SLX4IP: variants seen among roughly 807,000 people sequenced by gnomAD.
The protein encoded by SLX4IP is protein SLX4IP.
A neutral mutation model predicts 32.9 loss-of-function variants in SLX4IP; 34 were observed. The observed-to-expected ratio is 1.03, with a 90% CI of 0.79 to 1.38. The LOEUF is 1.38. SLX4IP is among the 40% of genes most tolerant of loss of function. The pLI is 0.00. For missense variants in SLX4IP, 444 were observed against 479.0 expected, an observed-to-expected ratio of 0.93 and a Z score of 0.68; for synonymous variants, 172 against 171.7, an observed-to-expected ratio of 1.00 and a Z score of -0.01.
At chr20:10,548,313 A>G (rs560048915) in intron 2 of SLX4IP, among the ~76,000 whole-genome samples, 2 of 151,632 alleles carry the variant, frequency 1.3e-5, no homozygotes, top group East Asian at 3.9e-4. Flanking sequence ...ATCTCGGCTC[A>G]CTGCAAGCTC....
At chr20:10,441,133 TTAAA>T (rs1555804328) in intron 1 of SLX4IP, among the ~76,000 whole-genome samples, 1 of 152,086 alleles carries the variant, frequency 6.6e-6, no homozygotes, top group Non-Finnish European at 1.5e-5. Flanking sequence ...TGACTAGGTA[TTAAA>T]TAAAAACTAG....
rs984462202 is a variant in SLX4IP, at chr20:10,556,134, C to T, written c.28-97C>T. 1.5e-5 allele frequency: 17 copies of T among 1,106,242 alleles called. No individual in the cohort carries two copies. The Middle Eastern group carries it at 8.1e-4, about 53-fold the overall frequency. 68.5% of individuals were successfully genotyped at this position (1,106,242 alleles called of 1,614,324 possible). On this transcript the variant is annotated intron_variant, in intron 2 of 7. Transcript: ENST00000334534. ...CTAGTAGTGAACTTTGTTGCCATTT[C>T]ATCATGAGCAACCACATAGGAATTT... is the stretch of plus-strand genomic sequence containing the variant.
At chr20:10,452,337 C>T (rs1478846782) in intron 1 of SLX4IP, among the ~76,000 whole-genome samples, 1 of 151,666 alleles carries the variant, frequency 6.6e-6, no homozygotes, top group Non-Finnish European at 1.5e-5. Context: ...TGAAGACCAG[C>T]GTGGGCAAGA....
At chr20:10,480,571 AAT>A (rs1317611297) in intron 2 of SLX4IP, among the ~76,000 whole-genome samples, 5 of 152,262 alleles carry the variant, frequency 3.3e-5, no homozygotes, top group Non-Finnish European at 5.9e-5. Flanking sequence ...TTTAACTAAA[AAT>A]ATAAAACGTG....
intron 4 of SLX4IP, among the ~76,000 whole-genome samples, chr20:10,566,817 G>A (rs1344326601): frequency 2.6e-5 from 4 of 152,170 alleles, no homozygotes; most frequent in Non-Finnish European, 5.9e-5. Flanking sequence ...CGCAGTGGTG[G>A]TGATGGCAAG....
intron 4 of SLX4IP, among the ~76,000 whole-genome samples, chr20:10,586,327 A>T (rs777274914): frequency 6.6e-6 from 1 of 152,232 alleles, no homozygotes; most frequent in Non-Finnish European, 1.5e-5. Context: ...GGGCTTTCAT[A>T]GGCTGAATGT....
At chr20:10,496,078 A>C (rs182182243) in intron 2 of SLX4IP, among the ~76,000 whole-genome samples, 5 of 152,056 alleles carry the variant, frequency 3.3e-5, no homozygotes, top group Admixed American at 3.3e-4. Context: ...TTTATTGCAA[A>C]TATTAATGTA....
chr20:10,544,741 G>A (rs1379614075), intron 2 of SLX4IP, among the ~76,000 whole-genome samples: 2 of 151,816 alleles, frequency 1.3e-5, no homozygotes, highest in South Asian at 2.1e-4. Flanking sequence ...TTATTTTCTT[G>A]TATTTATGAT....
chr20:10,592,020 G>A (rs191843982), intron 4 of SLX4IP, among the ~76,000 whole-genome samples: 4 of 152,268 alleles, frequency 2.6e-5, no homozygotes, highest in African/African-American at 9.6e-5. Flanking sequence ...ATTTGGCTCC[G>A]AAGAATTATT....
chr20:10,478,997 A>C (rs565186170), intron 2 of SLX4IP, among the ~76,000 whole-genome samples: 1 of 152,332 alleles, frequency 6.6e-6, no homozygotes, highest in African/African-American at 2.4e-5. Context: ...AGCAAGAGAA[A>C]ACTGCCTAAA....
At chr20:10,539,260 A>G (rs1370984141) in intron 2 of SLX4IP, among the ~76,000 whole-genome samples, 1 of 152,208 alleles carries the variant, frequency 6.6e-6, no homozygotes, top group African/African-American at 2.4e-5. Context: ...AGGAAGAAAC[A>G]TTAGAAGAAT....
chr20:10,512,776 CTCTATATATATA>C (rs1198446217), intron 2 of SLX4IP, among the ~76,000 whole-genome samples: 45 of 114,742 alleles, frequency 3.9e-4, no homozygotes, highest in Admixed American at 2.8e-3. Flanking sequence ...CACACACACA[CTCTATATATATA>C]TATATATATA....
At chr20:10,515,870 T>C (rs1205949219) in intron 2 of SLX4IP, among the ~76,000 whole-genome samples, 1 of 152,198 alleles carries the variant, frequency 6.6e-6, no homozygotes, top group Non-Finnish European at 1.5e-5. Flanking sequence ...CTCTCACATG[T>C]TACTTGAGGT....
intron 2 of SLX4IP, among the ~76,000 whole-genome samples, chr20:10,498,382 T>C (rs373000181): frequency 3.9e-5 from 6 of 151,960 alleles, no homozygotes; most frequent in African/African-American, 1.5e-4. Context: ...AGGGGTTATC[T>C]CTCCCATTAC....
At chr20:10,615,390 ATCTTGATTTTTC>A (rs1337101978) in intron 6 of SLX4IP, among the ~76,000 whole-genome samples, 1 of 152,138 alleles carries the variant, frequency 6.6e-6, no homozygotes, top group Non-Finnish European at 1.5e-5. Context: ...GCAATATGCT[ATCTTGATTTTTC>A]TCCTCCTCAC....
At chr20:10,614,797 C>T (rs1479175438) in intron 6 of SLX4IP, among the ~76,000 whole-genome samples, 1 of 152,158 alleles carries the variant, frequency 6.6e-6, no homozygotes, top group African/African-American at 2.4e-5. Flanking sequence ...TTTCTCTGTT[C>T]TCCCTTACTG....
At chr20:10,450,796 G>C (rs540286083) in intron 1 of SLX4IP, among the ~76,000 whole-genome samples, 61 of 152,334 alleles carry the variant, frequency 4.0e-4, no homozygotes, top group Non-Finnish European at 6.9e-4. Flanking sequence ...CTGTCGCCCA[G>C]GCTGGAGGAC....
At chr20:10,447,700 T>G (rs2065212525) in intron 1 of SLX4IP, among the ~76,000 whole-genome samples, 1 of 151,980 alleles carries the variant, frequency 6.6e-6, no homozygotes. Context: ...TTTTTTCTTC[T>G]TTAGTTTTTG....
chr20:10,618,024 G>A lies in SLX4IP; in HGVS notation c.406-3290G>A, dbSNP rs143332904. 9.1e-4 allele frequency among the ~76,000 whole-genome samples: 139 copies of A among 152,282 alleles called. 1 individual carries two copies. The highest frequency in any genetic ancestry group is 3.2e-3 in the African/African-American group (135 of 41,552). On this transcript the variant is annotated intron_variant, in intron 6 of 7. Coordinates refer to ENST00000334534, the MANE Select transcript of SLX4IP (RefSeq NM_001009608.3). ...TCTTAGGCACCTAGCTCATCCTGGT[G>A]GGGACTCTCTTTGCAGTCCTTTCTA...
Sources: allele counts gnomAD v4.1 joint callset (sites outside exome capture counted in the v4.1 genomes callset), GRCh38; gene constraint gnomAD v4.1.1; transcripts MANE v1.5; gene names NCBI Gene and HGNC (gene_info 2026-07-23, HGNC 2026-07-21).